Variants in BRINP3 observed in about 807,000 individuals in gnomAD.
The protein encoded by BRINP3 is BMP/retinoic acid-inducible neural-specific protein 3.
BRINP3 carries 19 observed loss-of-function variants against 71.0 expected under a neutral mutation model. That is an observed-to-expected ratio of 0.27 (90% CI 0.19 to 0.39). BRINP3 has a LOEUF of 0.39. BRINP3 is among the 10% of genes least tolerant of loss of function. The probability of loss-of-function intolerance (pLI) is 1.00; values close to 1 mark genes in which losing one functional copy is unlikely to be tolerated. For missense variants in BRINP3, 959 were observed against 940.8 expected, an observed-to-expected ratio of 1.02 and a Z score of -0.25; for synonymous variants, 380 against 337.7, an observed-to-expected ratio of 1.13 and a Z score of -1.37.
chr1:190,321,138 C>T (rs1558179875), intron 2 of BRINP3, among the ~76,000 whole-genome samples: 1 of 152,072 alleles, frequency 6.6e-6, no homozygotes, highest in Middle Eastern at 3.4e-3. Flanking sequence ...TTAGGCAACA[C>T]GACCCTACCA....
intron 3 of BRINP3, among the ~76,000 whole-genome samples, chr1:190,267,586 G>T (rs1381928536): frequency 3.9e-5 from 6 of 151,932 alleles, no homozygotes; most frequent in African/African-American, 1.4e-4. Context: ...AAAAGCAGGT[G>T]TTCGTTGTTT....
intron 2 of BRINP3, among the ~76,000 whole-genome samples, chr1:190,314,326 G>A (rs1665736592): frequency 6.6e-6 from 1 of 152,036 alleles, no homozygotes; most frequent in Non-Finnish European, 1.5e-5. Flanking sequence ...TCCCCAAAAT[G>A]CCTACATCCT....
rs892509895 is a variant in BRINP3, at chr1:190,384,655, T to C, written c.236+70000A>G. Among the ~76,000 whole-genome samples, 4 of 151,994 alleles carry C rather than the reference T, an allele frequency of 2.6e-5. No individual in the cohort carries two copies. The East Asian group carries it at 7.7e-4, about 29-fold the overall frequency. ...AGTCTTACTTTATTTGTACCTCAAC[T>C]CTGTGAAGCTAATACTGTTATCACA... On this transcript the variant is annotated intron_variant, in intron 2 of 7. Coordinates refer to ENST00000367462, the MANE Select transcript of BRINP3 (RefSeq NM_199051.3).
chr1:190,154,577 G>A (rs1443895752), intron 7 of BRINP3, among the ~76,000 whole-genome samples: 2 of 152,108 alleles, frequency 1.3e-5, no homozygotes, highest in Non-Finnish European at 2.9e-5. Context: ...CCACCAAACT[G>A]CTCTCCTAGT....
At chr1:190,161,313 T>C (rs1259402237) in intron 6 of BRINP3, among the ~76,000 whole-genome samples, 4 of 152,022 alleles carry the variant, frequency 2.6e-5, no homozygotes, top group African/African-American at 9.6e-5. Flanking sequence ...CAGAAATTTT[T>C]ATTAAATCAG....
intron 6 of BRINP3, among the ~76,000 whole-genome samples, chr1:190,212,112 T>C (rs1037041177): frequency 3.9e-5 from 6 of 152,254 alleles, no homozygotes; most frequent in Non-Finnish European, 5.9e-5. Flanking sequence ...TTTTATTTCC[T>C]TTACTTTTAT....
At chr1:190,428,258 G>A (rs367615509) in intron 2 of BRINP3, among the ~76,000 whole-genome samples, 52 of 151,842 alleles carry the variant, frequency 3.4e-4, no homozygotes, top group African/African-American at 9.9e-4. Flanking sequence ...TCTAAATTGC[G>A]TTGTTTTAAG....
intron 2 of BRINP3, among the ~76,000 whole-genome samples, chr1:190,282,084 AT>A (rs1184729535): frequency 6.6e-6 from 1 of 151,800 alleles, no homozygotes; most frequent in Non-Finnish European, 1.5e-5. Flanking sequence ...CTTAAGGGCA[AT>A]TTTTTTCATT....
chr1:190,454,881 G>T lies in BRINP3; in HGVS notation c.10C>A (p.Arg4=), dbSNP rs774090779. The change falls in exon 2 of 8, where the codon CGA becomes AGA. Residue 4 remains arginine (R), a synonymous_variant. Coordinates refer to ENST00000367462, the MANE Select transcript of BRINP3 (RefSeq NM_199051.3). MIW[R]SRAGAELFSL... Reference sequence around the variant, plus strand: ...AACAATTCAGCACCAGCTCTGCTTCGCCATATCATGCTTCCACTGGGGATT... The same window carrying T: ...AACAATTCAGCACCAGCTCTGCTTCTCCATATCATGCTTCCACTGGGGATT... 6.2e-7 allele frequency: 1 copy of T among 1,613,446 alleles called. No homozygotes were observed. The highest frequency in any genetic ancestry group is 1.7e-5 in the Admixed American group (1 of 59,982).
intron 2 of BRINP3, among the ~76,000 whole-genome samples, chr1:190,307,539 T>A (rs988094448): frequency 3.3e-5 from 5 of 152,018 alleles, no homozygotes; most frequent in African/African-American, 1.2e-4. Context: ...CACAAATAGC[T>A]TTGTGCATAG....
At chr1:190,236,216 A>G (rs1364877116) in intron 4 of BRINP3, among the ~76,000 whole-genome samples, 1 of 151,704 alleles carries the variant, frequency 6.6e-6, no homozygotes, top group Non-Finnish European at 1.5e-5. Context: ...GTTTATTGAT[A>G]GAGAGAAAGG....
At chr1:190,451,187 G>GA (rs11427931) in intron 2 of BRINP3, among the ~76,000 whole-genome samples, 86,488 of 150,726 alleles carry the variant, frequency 0.57, 24,981 homozygotes, top group Non-Finnish European at 0.62. Flanking sequence ...GTTAGGGAAA[G>GA]AAAAAAAAAA....
chr1:190,334,477 T>C (rs1027472643), intron 2 of BRINP3, among the ~76,000 whole-genome samples: 8 of 151,822 alleles, frequency 5.3e-5, no homozygotes, highest in Non-Finnish European at 1.2e-4. Context: ...TTGTATTTTA[T>C]ATATTATCGC....
At chr1:190,129,100 G>A (rs1367911113) in intron 7 of BRINP3, among the ~76,000 whole-genome samples, 1 of 151,660 alleles carries the variant, frequency 6.6e-6, no homozygotes, top group Non-Finnish European at 1.5e-5. Context: ...CTTTTCCAAA[G>A]CATAAATAAA....
rs181106696 is a variant in BRINP3, at chr1:190,215,125, G to A, written c.961+10957C>T. ...AAAAAAAAAAGAAATGAAATCTTGC[G>A]TCTCCCCCAAATACCCCTAGGAAAT... is the stretch of plus-strand genomic sequence containing the variant. On this transcript the variant is annotated intron_variant, in intron 6 of 7. Transcript: ENST00000367462. 5.1e-4 allele frequency among the ~76,000 whole-genome samples: 76 copies of A among 149,160 alleles called. 1 individual carries two copies. Among genetic ancestry groups the A allele is most frequent in the Admixed American group, 5.4e-4 (8 of 14,858 alleles).
At chr1:190,166,966 C>G (rs924313200) in intron 6 of BRINP3, among the ~76,000 whole-genome samples, 3 of 152,058 alleles carry the variant, frequency 2.0e-5, no homozygotes, top group Admixed American at 6.6e-5. Context: ...CTCGGGTGAT[C>G]TGCCCGCCTC....
At chr1:190,380,861 G>A (rs1355819555) in intron 2 of BRINP3, among the ~76,000 whole-genome samples, 2 of 151,822 alleles carry the variant, frequency 1.3e-5, no homozygotes, top group Non-Finnish European at 2.9e-5. Context: ...TAAATTAGTG[G>A]GGATTAATGC....
chr1:190,294,421 G>A (rs887798036), intron 2 of BRINP3, among the ~76,000 whole-genome samples: 50 of 151,854 alleles, frequency 3.3e-4, no homozygotes, highest in African/African-American at 9.7e-4. Context: ...TACCATGCCT[G>A]ACTAATTTTT....
At chr1:190,222,124 C>T (rs1930767) in intron 6 of BRINP3, among the ~76,000 whole-genome samples, 124,727 of 151,838 alleles carry the variant, frequency 0.82, 51,368 homozygotes, top group Middle Eastern at 0.93. Context: ...TACATTCTTT[C>T]CTTCAGTGCA....
Sources: gnomAD v4.1 joint callset for allele counts (sites outside exome capture counted in the v4.1 genomes callset) on GRCh38, gnomAD v4.1.1 for gene constraint, MANE v1.5 for transcripts, NCBI Gene and HGNC (gene_info 2026-07-23, HGNC 2026-07-21) for gene names.